WDR62: variants seen among roughly 807,000 people sequenced by gnomAD.
WDR62 encodes WD repeat-containing protein 62.
Under a neutral mutation model 160.6 loss-of-function variants are expected in WDR62, and 112 were observed. The observed-to-expected ratio is 0.70, with a 90% confidence interval of 0.60 to 0.82. The LOEUF is 0.82. Among genes scored for constraint, WDR62 ranks in the 40% least tolerant of loss-of-function variants. WDR62 has a pLI of 0.00. For synonymous variants in WDR62, 792 were observed against 815.1 expected (o/e 0.97, Z 0.48); for missense variants, 1,819 against 1,983.8 (o/e 0.92, Z 1.58).
At position 36,104,286 on chromosome 19, in the gene WDR62, G is replaced by A. The variant is rs140785880; in HGVS notation, c.4154-232G>A. 6.2e-4 allele frequency among the ~76,000 whole-genome samples: 94 copies of A among 152,272 alleles called. 3 individuals are homozygous for A. The East Asian group carries it at 0.017, about 27-fold the overall frequency. On this transcript the variant is annotated intron_variant, in intron 30 of 31. Transcript: ENST00000401500. The stretch of plus-strand genomic sequence containing the variant: ...ATGCTTAGGAGGGACAGAGGAGGGC[G>A]AGGGAGTGCAGGGTGGGGACAGGGG...
Position 36,099,509 on chromosome 19 carries a change from G to A in WDR62, c.2631G>A (p.Leu877=), listed in dbSNP as rs1599838499. The change falls in exon 22 of 32, where the codon CTG becomes CTA. Residue 877 remains leucine (L), a synonymous_variant. Transcript: ENST00000401500. ...RAGQEPLKTI[L]DAQDLDCYFT... ...GCCAAGAGCCCCTCAAGACCATCCT[G>A]GATGCCCAGGACCTGGATTGCTACT... 7.4e-6 allele frequency: 12 copies of A among 1,614,188 alleles called. No homozygotes were observed. Among genetic ancestry groups the A allele is most frequent in the Non-Finnish European group, 1.0e-5 (12 of 1,180,046 alleles).
Position 36,071,540 on chromosome 19 carries a change from C to G in WDR62, c.883-16C>G. 1 of 1,614,222 alleles carries G rather than the reference C, an allele frequency of 6.2e-7. No individual in the cohort carries two copies. The highest frequency in any genetic ancestry group is 8.5e-7 in the Non-Finnish European group (1 of 1,180,040). ...GTGAAGCACCAAATCCACTGGGGTC[C>G]CTTTTGCCCCTACAGGTCTCCCTGT... On this transcript the variant is annotated splice_polypyrimidine_tract_variant and intron_variant, in intron 7 of 31. Coordinates refer to ENST00000401500, the MANE Select transcript of WDR62 (RefSeq NM_001083961.2).
At chr19:36,074,355 G>T (rs927438674) in intron 9 of WDR62, 1 of 152,720 alleles carries the variant, frequency 6.5e-6, no homozygotes, top group Non-Finnish European at 1.5e-5. Context: ...GAATTTGTGG[G>T]TTTTTAAAAA....
rs35759606 is a variant in WDR62 at position 36,091,745 on chromosome 19, C to T, written c.2210+280C>T. ...AACCCTATCTCTACAAAAAATTAGC[C>T]GGGTGTGGTCATGTACACCTCTAGT... On this transcript the variant is annotated intron_variant, in intron 18 of 31. Transcript: ENST00000401500. Among the ~76,000 whole-genome samples the T allele has an allele frequency of 0.13, 19,672 of 151,718 alleles. 1,583 individuals are homozygous for T. The highest frequency in any genetic ancestry group is 0.3 in the East Asian group (1,516 of 5,138).
chr19:36,076,482 C>T (rs1396011912), intron 9 of WDR62, among the ~76,000 whole-genome samples: 2 of 151,294 alleles, frequency 1.3e-5, no homozygotes, highest in South Asian at 2.1e-4. Context: ...TGCTTGAACC[C>T]GGGAGGCAGA....
chr19:36,078,888 T>A (rs1971735991), intron 9 of WDR62, among the ~76,000 whole-genome samples: 2 of 146,620 alleles, frequency 1.4e-5, no homozygotes, highest in Admixed American at 6.8e-5. Context: ...TTTGTGAAAA[T>A]ATGTTTCTGC....
At chr19:36,103,276 G>T in intron 29 of WDR62, 67 bp from the exon 30 acceptor site, 1 of 1,611,900 alleles carries the variant, frequency 6.2e-7, no homozygotes, top group Non-Finnish European at 8.5e-7. Flanking sequence ...CAGCCTAGCT[G>T]TGGGGCGTGG....
chr19:36,082,588 A>G (rs1971962780), intron 10 of WDR62, among the ~76,000 whole-genome samples: 1 of 152,232 alleles, frequency 6.6e-6, no homozygotes, highest in African/African-American at 2.4e-5. Context: ...TACCTGTGAC[A>G]TACATGCTGT....
At chr19:36,073,585 C>A in intron 9 of WDR62, 54 bp downstream of exon 9, 3 of 1,426,250 alleles carry the variant, frequency 2.1e-6, no homozygotes, top group Non-Finnish European at 2.9e-6. Flanking sequence ...CAGTTCCCCA[C>A]AGTTTGGGAA....
At chr19:36,101,944 C>T (rs796708808) in intron 25 of WDR62, 70 bp from the exon 26 acceptor site, 1 of 1,609,948 alleles carries the variant, frequency 6.2e-7, no homozygotes, top group African/African-American at 1.3e-5. Flanking sequence ...CCCGCTTTCT[C>T]CATTTCAGGT....
At chr19:36,069,005 A>ACGGGC (rs1971108938) in intron 7 of WDR62, among the ~76,000 whole-genome samples, 1 of 148,442 alleles carries the variant, frequency 6.7e-6, no homozygotes, top group Non-Finnish European at 1.5e-5. Context: ...TCCCTCCCTG[A>ACGGGC]CGGGCCGGCT....
At chr19:36,099,100 T>G (rs1461295711) in intron 21 of WDR62, among the ~76,000 whole-genome samples, 1 of 151,416 alleles carries the variant, frequency 6.6e-6, no homozygotes, top group Non-Finnish European at 1.5e-5. Context: ...TGGGCACCTG[T>G]AATCCCAGCT....
chr19:36,080,954 G>T (rs1971859798), intron 9 of WDR62, among the ~76,000 whole-genome samples: 1 of 151,886 alleles, frequency 6.6e-6, no homozygotes. Flanking sequence ...TTTTGTTTTT[G>T]GTTTGTCTGT....
At chr19:36,060,773 T>C (rs575207621) in intron 3 of WDR62, 1 of 152,642 alleles carries the variant, frequency 6.6e-6, no homozygotes, top group East Asian at 1.9e-4. Flanking sequence ...GTATTCACTG[T>C]GGGTCTCCCT....
chr19:36,105,673 C>T (rs182843367), downstream of WDR62, among the ~76,000 whole-genome samples: 5 of 152,102 alleles, frequency 3.3e-5, no homozygotes, highest in East Asian at 9.7e-4. Context: ...TTGGTGAAAC[C>T]CCATCTCTTT....
Position 36,103,606 on chromosome 19 carries a change from T to G in WDR62, c.3778T>G (p.Ser1260Ala), listed in dbSNP as rs572662697. ...RRPSSVGELA[S>A]LGQELQAITT... is the part of the protein sequence containing the mutation. ...GCCATCGTCCGTTGGGGAGCTGGCCTCCTTGGGCCAGGAGCTTCAGGCCAT... is the reference window on the plus strand; with the variant it reads ...GCCATCGTCCGTTGGGGAGCTGGCCGCCTTGGGCCAGGAGCTTCAGGCCAT... The change falls in exon 30 of 32, where the codon TCC becomes GCC. Residue 1260 changes from serine to alanine, a missense_variant. Ser to Ala is a moderately conservative substitution (Grantham distance 99, BLOSUM62 1). Around this residue, in one of 3 missense-constraint regions of WDR62, gnomAD observed 770 missense variants for 734.2 expected, o/e 1.05. Coordinates refer to ENST00000401500, the MANE Select transcript of WDR62 (RefSeq NM_001083961.2). 2 of 1,612,748 alleles carry G rather than the reference T, an allele frequency of 1.2e-6. No individual in the cohort carries two copies. The highest frequency in any genetic ancestry group is 2.7e-5 in the African/African-American group (2 of 75,008).
In WDR62 at chr19:36,090,469, G is replaced by A. The variant is rs139927346; in HGVS notation, c.1983G>A (p.Lys661=). The change falls in exon 16 of 32, where the codon AAG becomes AAA. Residue 661 remains lysine, a synonymous_variant. Coordinates refer to ENST00000401500, the MANE Select transcript of WDR62 (RefSeq NM_001083961.2). ...NVRVYNTVNG[K]QKKCYKGSQG... ...GAGTCTACAACACTGTGAACGGGAA[G>A]CAGAAGAAGTGCTACAAGGGCTCCC... is the stretch of plus-strand genomic sequence containing the variant. The A allele has an allele frequency of 1.9e-6, 3 of 1,614,144 alleles. No homozygotes were observed. In the East Asian group the frequency reaches 6.7e-5, roughly 36 times the overall value.
chr19:36,107,467 A>G (rs1973736966), downstream of WDR62, among the ~76,000 whole-genome samples: 1 of 152,008 alleles, frequency 6.6e-6, no homozygotes, highest in Non-Finnish European at 1.5e-5. Context: ...GCACAATGAC[A>G]TGAGGGTCAG....
chr19:36,084,862 G>A, intron 12 of WDR62, 118 bp downstream of exon 12: 2 of 928,160 alleles, frequency 2.2e-6, no homozygotes, highest in African/African-American at 1.6e-5. Flanking sequence ...GGAGTTTTGT[G>A]TTCGGTAAGG....
Sources: allele counts gnomAD v4.1 joint callset (sites outside exome capture counted in the v4.1 genomes callset), GRCh38; gene constraint gnomAD v4.1.1; regional missense constraint gnomAD v4.1.1; transcripts MANE v1.5; gene names NCBI Gene and HGNC (gene_info 2026-07-23, HGNC 2026-07-21).